Variants in GRM7 observed in about 807,000 individuals in gnomAD.
The protein encoded by GRM7 is glutamate metabotropic receptor 7, also known as metabotropic glutamate receptor 7.
GRM7 carries 35 observed loss-of-function variants against 84.5 expected under a neutral mutation model. The ratio of observed to expected loss-of-function variants is 0.41; its 90% CI spans 0.32 to 0.55. The LOEUF is 0.55. Ranked by LOEUF, GRM7 falls within the 20% of genes least tolerant of loss-of-function variation. GRM7 has a pLI of 0.19. For synonymous variants in GRM7, 487 were observed against 455.1 expected (o/e 1.07, Z -0.89); for missense variants, 1,003 against 1,194.6 (o/e 0.84, Z 2.36).
intron 2 of GRM7, among the ~76,000 whole-genome samples, chr3:7,199,703 T>A (rs1249959736): frequency 6.6e-6 from 1 of 152,148 alleles, no homozygotes; most frequent in Non-Finnish European, 1.5e-5. Flanking sequence ...CTCAAATAAT[T>A]TCTGGCCTAA....
At chr3:7,580,550 T>G (rs1419785520) in intron 8 of GRM7, among the ~76,000 whole-genome samples, 1 of 152,210 alleles carries the variant, frequency 6.6e-6, no homozygotes, top group South Asian at 2.1e-4. Context: ...ATTAATGGCA[T>G]CTAGTTTTCC....
intron 4 of GRM7, among the ~76,000 whole-genome samples, chr3:7,316,717 A>G (rs1700595298): frequency 6.6e-6 from 1 of 152,124 alleles, no homozygotes; most frequent in South Asian, 2.1e-4. Context: ...TGAGATACTT[A>G]TTAGACATCC....
chr3:7,420,479 C>T (rs1696349374), intron 5 of GRM7, among the ~76,000 whole-genome samples: 1 of 152,060 alleles, frequency 6.6e-6, no homozygotes, highest in Non-Finnish European at 1.5e-5. Context: ...ATGTCAAATG[C>T]ATTTTTACAC....
intron 4 of GRM7, among the ~76,000 whole-genome samples, chr3:7,359,744 G>A (rs1380198639): frequency 6.7e-6 from 1 of 148,458 alleles, no homozygotes; most frequent in Non-Finnish European, 1.5e-5. Context: ...TTGTAAATGA[G>A]TATAGCACAT....
At chr3:7,631,283 C>G (rs970929263) in intron 8 of GRM7, among the ~76,000 whole-genome samples, 1 of 152,096 alleles carries the variant, frequency 6.6e-6, no homozygotes, top group African/African-American at 2.4e-5. Context: ...GATAAAGATT[C>G]CAACAGAGGG....
chr3:7,601,998 G>A (rs1381693232), intron 8 of GRM7, among the ~76,000 whole-genome samples: 2 of 141,864 alleles, frequency 1.4e-5, no homozygotes, highest in African/African-American at 5.3e-5. Context: ...AAGGAAGGGC[G>A]AAATGTTGTG....
chr3:7,015,603 T>G (rs2124902555), intron 1 of GRM7, among the ~76,000 whole-genome samples: 1 of 152,352 alleles, frequency 6.6e-6, no homozygotes, highest in Non-Finnish European at 1.5e-5. Context: ...TGGTTCTGGC[T>G]TAAGGTCCAT....
intron 9 of GRM7, among the ~76,000 whole-genome samples, chr3:7,721,910 A>G (rs1701962848): frequency 6.6e-6 from 1 of 152,226 alleles, no homozygotes; most frequent in African/African-American, 2.4e-5. Flanking sequence ...CAAGATTTCG[A>G]GGTCACACTT....
chr3:7,632,804 T>C (rs1445212686), intron 8 of GRM7, among the ~76,000 whole-genome samples: 1 of 152,220 alleles, frequency 6.6e-6, no homozygotes, highest in African/African-American at 2.4e-5. Flanking sequence ...CCCAGCTGCA[T>C]TTTGCAATGA....
chr3:7,467,467 A>G (rs978933002), intron 7 of GRM7, among the ~76,000 whole-genome samples: 2 of 152,136 alleles, frequency 1.3e-5, no homozygotes, highest in African/African-American at 4.8e-5. Flanking sequence ...GTTTAAGCCA[A>G]TCACTGTAGC....
chr3:7,493,921 G>A (rs1049572922), intron 7 of GRM7, among the ~76,000 whole-genome samples: 3 of 151,808 alleles, frequency 2.0e-5, no homozygotes, highest in African/African-American at 7.3e-5. Flanking sequence ...TATTATTTTT[G>A]TGAAACTTGG....
Position 7,041,079 on chromosome 3 carries a change from CAAA to C in GRM7, c.520-105354_520-105352del, listed in dbSNP as rs557674027. On this transcript the variant is annotated intron_variant, in intron 1 of 9. Transcript: ENST00000357716. Reference sequence around the variant, plus strand: ...TGGGTGACAGAGTGAGACCCTGTCTCAAAAAAAAAAAAAAAAAAAAATTATGTG... The same window carrying C: ...TGGGTGACAGAGTGAGACCCTGTCTCAAAAAAAAAAAAAAAAAATTATGTG... Among the ~76,000 whole-genome samples the C allele has an allele frequency of 3.9e-3, 319 of 80,812 alleles. 2 individuals carry two copies. The highest frequency in any genetic ancestry group is 9.9e-3 in the African/African-American group (275 of 27,648). 53.0% of individuals were successfully genotyped at this position (80,812 alleles called of 152,430 possible). A position where few individuals can be genotyped will look rare whatever the true frequency, so the allele number is the denominator to read the frequency against.
intron 4 of GRM7, among the ~76,000 whole-genome samples, chr3:7,411,771 A>G (rs1165640569): frequency 1.3e-5 from 2 of 152,174 alleles, no homozygotes; most frequent in Non-Finnish European, 2.9e-5. Context: ...TCTTGAATGT[A>G]TATTGTGGTA....
chr3:7,440,896 T>C (rs996257017), intron 5 of GRM7, among the ~76,000 whole-genome samples: 9 of 152,188 alleles, frequency 5.9e-5, no homozygotes, highest in African/African-American at 9.6e-5. Flanking sequence ...CAGTCTACCA[T>C]TGATGGAAAT....
rs981719409 is a variant in GRM7 at position 7,054,321 on chromosome 3, T to A, written c.520-92131T>A. On this transcript the variant is annotated intron_variant, in intron 1 of 9. Transcript: ENST00000357716. ...ATTAAAATATATATCTTTTATGATA[T>A]ATATGACATCTAATATATGATGATA... 8.0e-5 allele frequency among the ~76,000 whole-genome samples: 12 copies of A among 149,354 alleles called. No homozygotes were observed. The Admixed American group carries it at 8.1e-4, about 10-fold the overall frequency.
intron 8 of GRM7, among the ~76,000 whole-genome samples, chr3:7,579,995 T>C (rs922443981): frequency 8.5e-5 from 13 of 152,344 alleles, no homozygotes; most frequent in Non-Finnish European, 1.8e-4. Flanking sequence ...GAGATGCAAC[T>C]TTCTAAAAGA....
chr3:6,898,242 C>A (rs1696258680), intron 1 of GRM7, among the ~76,000 whole-genome samples: 1 of 152,082 alleles, frequency 6.6e-6, no homozygotes, highest in South Asian at 2.1e-4. Context: ...GTAGTTAGTG[C>A]TTATTTGGCA....
intron 2 of GRM7, among the ~76,000 whole-genome samples, chr3:7,221,137 A>C (rs935320058): frequency 4.6e-5 from 7 of 152,134 alleles, no homozygotes; most frequent in African/African-American, 1.4e-4. Context: ...AACAAACAAA[A>C]AAACACAAAA....
At chr3:7,422,065 A>G (rs1172571170) in intron 5 of GRM7, among the ~76,000 whole-genome samples, 2 of 152,012 alleles carry the variant, frequency 1.3e-5, no homozygotes, top group Non-Finnish European at 2.9e-5. Flanking sequence ...ACTGCACTCT[A>G]GCCTAGGTGA....
Sources: allele counts gnomAD v4.1 joint callset (sites outside exome capture counted in the v4.1 genomes callset), GRCh38; gene constraint gnomAD v4.1.1; transcripts MANE v1.5; gene names NCBI Gene and HGNC (gene_info 2026-07-23, HGNC 2026-07-21).